The following ZNF516 variants were observed in gnomAD, a reference collection of about 807,000 sequenced individuals.
ZNF516 encodes zinc finger protein 516.
Under a neutral mutation model 79.7 loss-of-function variants are expected in ZNF516, and 19 were observed. The observed-to-expected ratio is 0.24, with a 90% CI of 0.17 to 0.35. The LOEUF (loss-of-function observed/expected upper bound fraction) is 0.35. ZNF516 is among the 10% of genes least tolerant of loss of function. The pLI, the probability that ZNF516 is intolerant of heterozygous loss-of-function variation, is 1.00. For missense variants in ZNF516, 1,678 were observed against 1,679.5 expected (o/e 1.00, Z 0.02); for synonymous variants, 877 against 739.5 (o/e 1.19, Z -3.02).
intron 3 of ZNF516, among the ~76,000 whole-genome samples, chr18:76,395,254 G>T (rs893582419): frequency 4.6e-5 from 7 of 152,124 alleles, no homozygotes; most frequent in Non-Finnish European, 1.5e-5. Flanking sequence ...TGTTTCCCCC[G>T]CAATTCACAA....
intron 1 of ZNF516, among the ~76,000 whole-genome samples, chr18:76,483,256 C>T (rs1026661081): frequency 6.6e-6 from 1 of 152,120 alleles, no homozygotes; most frequent in East Asian, 1.9e-4. Flanking sequence ...GGGGCAGACA[C>T]AGCTCAAGCC....
At chr18:76,454,689 A>G (rs916168502) in intron 2 of ZNF516, among the ~76,000 whole-genome samples, 1 of 152,234 alleles carries the variant, frequency 6.6e-6, no homozygotes, top group Non-Finnish European at 1.5e-5. Flanking sequence ...CTGTCTAAAA[A>G]TATTTTTTCA....
chr18:76,362,824 A>G (rs1217291276), intron 6 of ZNF516, among the ~76,000 whole-genome samples: 6 of 152,232 alleles, frequency 3.9e-5, no homozygotes, highest in Non-Finnish European at 8.8e-5. Flanking sequence ...AGAAAGGATC[A>G]TTAGGCTTCT....
intron 3 of ZNF516, chr18:76,385,886 C>T (rs970353953): frequency 1.3e-5 from 2 of 152,222 alleles, no homozygotes; most frequent in African/African-American, 2.4e-5. Context: ...CCTCGTGGCC[C>T]CCTGTGCACT....
At chr18:76,478,283 T>C (rs1914292160) in intron 1 of ZNF516, among the ~76,000 whole-genome samples, 1 of 152,200 alleles carries the variant, frequency 6.6e-6, no homozygotes, top group Non-Finnish European at 1.5e-5. Flanking sequence ...GTTGCTATTC[T>C]ACCAGTACAA....
chr18:76,476,877 T>C (rs138428235), intron 1 of ZNF516, among the ~76,000 whole-genome samples: 3 of 152,330 alleles, frequency 2.0e-5, no homozygotes, highest in South Asian at 2.1e-4. Flanking sequence ...CGGGGTGACT[T>C]GCTACGGAGG....
rs3991208 is a variant in ZNF516, at chr18:76,360,644, A to ATATAT, written c.*1853_*1854insATATA. 2.1e-4 allele frequency: 21 copies of ATATAT among 101,640 alleles called. No individual in the cohort carries two copies. The highest frequency in any genetic ancestry group is 6.8e-4 in the Admixed American group (7 of 10,298). The allele number at this position is 101,640 out of a possible 1,614,324, so 6.3% of individuals were successfully genotyped here. On this transcript the variant is annotated 3_prime_UTR_variant, in exon 7 of 7. Transcript: ENST00000443185. ...AGAAAAAAATAAGTAAAAAAAAAAAAAAATATATATATATATATATATATA... is the reference window on the plus strand; with the variant it reads ...AGAAAAAAATAAGTAAAAAAAAAAAATATATAAATATATATATATATATATATATA...
At chr18:76,367,113 C>A (rs986988789) in intron 6 of ZNF516, among the ~76,000 whole-genome samples, 1 of 152,184 alleles carries the variant, frequency 6.6e-6, no homozygotes, top group South Asian at 2.1e-4. Context: ...AATGTTTTAT[C>A]CTGCTCCTCC....
intron 1 of ZNF516, among the ~76,000 whole-genome samples, chr18:76,488,541 A>AGGGGGG (rs1555721896): frequency 7.3e-6 from 1 of 137,178 alleles, no homozygotes. Flanking sequence ...GGGGAGGGGG[A>AGGGGGG]GGGACAGCAA....
intron 1 of ZNF516, among the ~76,000 whole-genome samples, chr18:76,477,549 G>T (rs1227504800): frequency 6.6e-6 from 1 of 152,128 alleles, no homozygotes; most frequent in Non-Finnish European, 1.5e-5. Context: ...GGAAAAACAA[G>T]GTCAGGTTTT....
Position 76,442,151 on chromosome 18 carries a change from T to C in ZNF516, c.904A>G (p.Thr302Ala), listed in dbSNP as rs762358371. The C allele has an allele frequency of 3.7e-6, 6 of 1,613,930 alleles. No homozygotes were observed. In the Admixed American group the frequency reaches 1.0e-4, roughly 27 times the overall value. Residue 302 changes from threonine to alanine, a missense_variant, in exon 3 of 7, where the codon ACG (threonine) becomes GCG (alanine). This residue lies in a region of ZNF516 where 1,294 missense variants were observed against 1,248.3 expected (regional missense o/e 1.04). Coordinates refer to ENST00000443185, the MANE Select transcript of ZNF516 (RefSeq NM_014643.4). ...CTCTTGGGCCTGTTCTTGCTGCCCG[T>C]CTTGGGGCCGTGCGCCTTCATGTGG... Reference protein sequence around the residue: ...KNHMKAHGPKTGSKNRPKSEL... With the variant: ...KNHMKAHGPKAGSKNRPKSEL...
intron 3 of ZNF516, among the ~76,000 whole-genome samples, chr18:76,420,286 C>T (rs1040619616): frequency 8.5e-5 from 13 of 152,194 alleles, no homozygotes; most frequent in African/African-American, 2.4e-4. Flanking sequence ...TCTATGATGT[C>T]TACTTGACCA....
chr18:76,490,463 G>A (rs576683904), intron 1 of ZNF516, among the ~76,000 whole-genome samples: 1 of 152,338 alleles, frequency 6.6e-6, no homozygotes, highest in East Asian at 1.9e-4. Context: ...CACGGCAGTA[G>A]CCAGTATCCT....
intron 2 of ZNF516, among the ~76,000 whole-genome samples, chr18:76,461,382 T>C (rs1363997047): frequency 6.6e-6 from 1 of 152,120 alleles, no homozygotes; most frequent in Admixed American, 6.5e-5. Context: ...CCGAGCCCTG[T>C]GGCACATGCC....
At chr18:76,392,281 C>A (rs751656972) in intron 3 of ZNF516, among the ~76,000 whole-genome samples, 2 of 152,202 alleles carry the variant, frequency 1.3e-5, no homozygotes, top group Non-Finnish European at 2.9e-5. Flanking sequence ...AGATGTAAGA[C>A]CACAGGGAGT....
chr18:76,442,089 G>A lies in ZNF516; in HGVS notation c.966C>T (p.Val322=). 6.2e-7 allele frequency: 1 copy of A among 1,613,992 alleles called. No homozygotes were observed. Among genetic ancestry groups the A allele is most frequent in the South Asian group, 1.1e-5 (1 of 91,086 alleles). ...GGCCGGCGACGATCACCTCCTCCTG[G>A]ACCACGTTGTTGATGGTGGCGATGG... ...LDPIATINNV[V]QEEVIVAGLS... is the part of the protein sequence containing the mutation. The change falls in exon 3 of 7, where the codon GTC becomes GTT. Residue 322 remains valine (V), a synonymous_variant. Transcript: ENST00000443185.
At chr18:76,411,089 A>C (rs2075368000) in intron 3 of ZNF516, among the ~76,000 whole-genome samples, 1 of 152,228 alleles carries the variant, frequency 6.6e-6, no homozygotes, top group Non-Finnish European at 1.5e-5. Flanking sequence ...ACAACTGAAA[A>C]GCACATGGAA....
intron 3 of ZNF516, among the ~76,000 whole-genome samples, chr18:76,421,031 T>TG (rs2075500035): frequency 6.6e-6 from 1 of 152,246 alleles, no homozygotes; most frequent in African/African-American, 2.4e-5. Context: ...GATTCTGAGT[T>TG]GAGCACCTGG....
intron 1 of ZNF516, among the ~76,000 whole-genome samples, chr18:76,484,200 G>A (rs1055475044): frequency 6.6e-6 from 1 of 152,192 alleles, no homozygotes; most frequent in African/African-American, 2.4e-5. Context: ...GAATCAGGAC[G>A]CCTGGATTTG....
Sources: allele counts gnomAD v4.1 joint callset (sites outside exome capture counted in the v4.1 genomes callset), GRCh38; gene constraint gnomAD v4.1.1; regional missense constraint gnomAD v4.1.1; transcripts MANE v1.5; gene names NCBI Gene and HGNC (gene_info 2026-07-23, HGNC 2026-07-21).